DNAAF11: variants seen among roughly 807,000 people sequenced by gnomAD.
DNAAF11 encodes the protein leucine rich repeat containing 6.
In DNAAF11, 45 loss-of-function variants were observed where a neutral mutation model predicts 60.8. That is an observed-to-expected ratio of 0.74 (90% CI 0.58 to 0.95). DNAAF11 has a LOEUF of 0.95. Among genes scored for constraint, DNAAF11 ranks in the 40% least tolerant of loss-of-function variants. The probability of loss-of-function intolerance (pLI) is 0.00; values close to 1 mark genes in which losing one functional copy is unlikely to be tolerated. For synonymous variants in DNAAF11, 191 were observed against 183.5 expected (o/e 1.04, Z -0.33); for missense variants, 546 against 546.2 (o/e 1.00, Z 0.00).
intron 11 of DNAAF11, among the ~76,000 whole-genome samples, chr8:132,580,156 A>G (rs1269554824): frequency 6.6e-6 from 1 of 152,212 alleles, no homozygotes; most frequent in Non-Finnish European, 1.5e-5. Flanking sequence ...TGTTTAAATA[A>G]CATGTCTCAG....
upstream of DNAAF11, among the ~76,000 whole-genome samples, chr8:132,678,177 A>G (rs962112576): frequency 1.3e-5 from 2 of 152,218 alleles, no homozygotes; most frequent in African/African-American, 4.8e-5. Context: ...AGGCACTGAA[A>G]TGTGACAGCA....
chr8:132,674,557 C>T (rs1432490448), intron 1 of DNAAF11, among the ~76,000 whole-genome samples: 2 of 152,138 alleles, frequency 1.3e-5, no homozygotes, highest in African/African-American at 4.8e-5. Context: ...AAATAACTTA[C>T]CCGCATCACC....
At chr8:132,607,586 T>G (rs1169153360) in intron 10 of DNAAF11, among the ~76,000 whole-genome samples, 3 of 152,132 alleles carry the variant, frequency 2.0e-5, no homozygotes, top group Admixed American at 6.6e-5. Context: ...AAGAAAAGAG[T>G]AAAATATTAA....
intron 10 of DNAAF11, among the ~76,000 whole-genome samples, chr8:132,595,818 A>T (rs1490027658): frequency 1.3e-5 from 2 of 152,222 alleles, no homozygotes; most frequent in Non-Finnish European, 2.9e-5. Context: ...TGGAGAAAGT[A>T]TCAAAGAGGG....
In DNAAF11 at chr8:132,579,996, T is replaced by C. The variant is rs151064850; in HGVS notation, c.1226+3698A>G. Among the ~76,000 whole-genome samples the C allele has an allele frequency of 4.4e-3, 616 of 140,572 alleles. 11 individuals are homozygous for C. Among genetic ancestry groups the C allele is most frequent in the African/African-American group, 0.016 (595 of 37,662 alleles). The allele number at this position is 140,572 out of a possible 152,430, so 92.2% of individuals were successfully genotyped here. A position where few individuals can be genotyped will look rare whatever the true frequency, so the allele number is the denominator to read the frequency against. On this transcript the variant is annotated intron_variant, in intron 11 of 11. Coordinates refer to ENST00000620350, the MANE Select transcript of DNAAF11 (RefSeq NM_012472.6). ...GGGCAACAAAGGCAAAACTCTGTCTTAAAAAAACAAATAAATGAACAAAAA... is the reference window on the plus strand; with the variant it reads ...GGGCAACAAAGGCAAAACTCTGTCTCAAAAAAACAAATAAATGAACAAAAA...
At chr8:132,664,628 A>ATT (rs765311899) in intron 1 of DNAAF11, among the ~76,000 whole-genome samples, 254 of 140,344 alleles carry the variant, frequency 1.8e-3, no homozygotes, top group African/African-American at 6.6e-3. Context: ...CACCCAGCTA[A>ATT]TTTTTTTTTT....
At chr8:132,660,719 C>A (rs1323651905) in intron 2 of DNAAF11, among the ~76,000 whole-genome samples, 2 of 152,154 alleles carry the variant, frequency 1.3e-5, no homozygotes, top group African/African-American at 4.8e-5. Flanking sequence ...ACCCTCTTTC[C>A]TGGTTTCTGG....
intron 3 of DNAAF11, among the ~76,000 whole-genome samples, chr8:132,639,327 T>C (rs1251142901): frequency 6.6e-6 from 1 of 152,192 alleles, no homozygotes; most frequent in Non-Finnish European, 1.5e-5. Flanking sequence ...ATGGCAGATT[T>C]TGCAACCTCC....
At chr8:132,646,516 T>C (rs1388722331) in intron 3 of DNAAF11, among the ~76,000 whole-genome samples, 1 of 152,162 alleles carries the variant, frequency 6.6e-6, no homozygotes, top group African/African-American at 2.4e-5. Flanking sequence ...TAGGCTAAAT[T>C]CTCCAATTAA....
rs371031583 is a variant in DNAAF11 at position 132,675,506 on chromosome 8, G to C, written c.-13C>G. On this transcript the variant is annotated 5_prime_UTR_variant, in exon 1 of 12. Coordinates refer to ENST00000620350, the MANE Select transcript of DNAAF11 (RefSeq NM_012472.6). Reference sequence around the variant, plus strand: ...TACTCCAGCCCATGGCGCCTCTCCAGTTCGCTGACCCCGCAAGCCGGACCC... The same window carrying C: ...TACTCCAGCCCATGGCGCCTCTCCACTTCGCTGACCCCGCAAGCCGGACCC... The C allele has an allele frequency of 5.1e-6, 8 of 1,561,550 alleles. No homozygotes were observed. Among genetic ancestry groups the C allele is most frequent in the Non-Finnish European group, 7.0e-6 (8 of 1,149,728 alleles).
At chr8:132,613,667 A>G (rs538415314) in intron 8 of DNAAF11, among the ~76,000 whole-genome samples, 5 of 152,298 alleles carry the variant, frequency 3.3e-5, no homozygotes, top group East Asian at 3.9e-4. Flanking sequence ...AATGGTTGAA[A>G]TGGTCGATTT....
chr8:132,696,687 C>T, the DNAAF11 span, among the ~76,000 whole-genome samples: 1 of 152,216 alleles, frequency 6.6e-6, no homozygotes, highest in African/African-American at 2.4e-5. Flanking sequence ...GGTGCATATA[C>T]ACCATGGAAT....
At chr8:132,599,751 A>T (rs547254406) in intron 10 of DNAAF11, among the ~76,000 whole-genome samples, 2 of 152,330 alleles carry the variant, frequency 1.3e-5, no homozygotes, top group South Asian at 2.1e-4. Context: ...CTCTGAATAA[A>T]TTAGGTATTG....
intron 11 of DNAAF11, among the ~76,000 whole-genome samples, chr8:132,580,708 CA>C (rs1815238571): frequency 1.3e-5 from 2 of 151,778 alleles, no homozygotes; most frequent in African/African-American, 4.8e-5. Context: ...CAAATAAGAT[CA>C]AAAAAAGGAC....
chr8:132,637,226 A>G (rs1289207572), intron 4 of DNAAF11, among the ~76,000 whole-genome samples: 1 of 152,212 alleles, frequency 6.6e-6, no homozygotes, highest in East Asian at 1.9e-4. Flanking sequence ...CTCAGGCCCC[A>G]TGTCAGACCT....
intron 10 of DNAAF11, among the ~76,000 whole-genome samples, chr8:132,607,024 T>A (rs929859098): frequency 6.6e-6 from 1 of 152,220 alleles, no homozygotes; most frequent in Non-Finnish European, 1.5e-5. Context: ...AAGGGTATAG[T>A]GTTTTGAAGC....
intron 10 of DNAAF11, among the ~76,000 whole-genome samples, chr8:132,593,037 A>G (rs1816626556): frequency 6.6e-6 from 1 of 151,992 alleles, no homozygotes; most frequent in African/African-American, 2.4e-5. Context: ...AGGAGAGTTC[A>G]GTAAGAAACA....
chr8:132,675,287 G>A (rs995940939), intron 1 of DNAAF11, 197 bp downstream of exon 1: 1 of 545,820 alleles, frequency 1.8e-6, no homozygotes, highest in African/African-American at 2.0e-5. Context: ...AGCTGGAAAA[G>A]GCCAGGCTGT....
At chr8:132,664,386 T>A (rs1279899048) in intron 1 of DNAAF11, among the ~76,000 whole-genome samples, 3 of 152,210 alleles carry the variant, frequency 2.0e-5, no homozygotes, top group East Asian at 1.9e-4. Context: ...AATTGCCCAC[T>A]CTTAAAGATT....
Sources: gnomAD v4.1 joint callset for allele counts (sites outside exome capture counted in the v4.1 genomes callset) on GRCh38, gnomAD v4.1.1 for gene constraint, MANE v1.5 for transcripts, NCBI Gene and HGNC (gene_info 2026-07-23, HGNC 2026-07-21) for gene names.